The following RBFOX1 variants were observed in gnomAD, a reference collection of about 807,000 sequenced individuals.
RBFOX1 encodes the protein RNA binding fox-1 homolog 1.
In RBFOX1, 8 loss-of-function variants were observed where a neutral mutation model predicts 57.7. The observed-to-expected ratio is 0.14, with a 90% CI of 0.08 to 0.25. The LOEUF is 0.25. RBFOX1 is among the 10% of genes least tolerant of loss of function. The probability of loss-of-function intolerance (pLI) is 1.00; values close to 1 mark genes in which losing one functional copy is unlikely to be tolerated. For synonymous variants in RBFOX1, 326 were observed against 222.4 expected (o/e 1.47, Z -4.15); for missense variants, 611 against 548.5 (o/e 1.11, Z -1.14).
At chr16:7,339,736 G>A (rs1264514311) in intron 4 of RBFOX1, among the ~76,000 whole-genome samples, 1 of 152,176 alleles carries the variant, frequency 6.6e-6, no homozygotes, top group East Asian at 1.9e-4. Flanking sequence ...CACTGTGCCT[G>A]GCCAGAAAGA....
intron 2 of RBFOX1, among the ~76,000 whole-genome samples, chr16:6,512,041 C>T (rs2096265498): frequency 6.6e-6 from 1 of 151,556 alleles, no homozygotes; most frequent in Admixed American, 6.6e-5. Flanking sequence ...GAGGCCAAGG[C>T]AGGAGGATCC....
intron 2 of RBFOX1, among the ~76,000 whole-genome samples, chr16:5,503,373 GATATAATTCACACACC>G (rs1418223982): frequency 6.6e-6 from 1 of 152,230 alleles, no homozygotes; most frequent in Non-Finnish European, 1.5e-5. Flanking sequence ...GGTTTACTGA[GATATAATTCACACACC>G]ATATAATTCA....
At chr16:6,687,694 T>C (rs1037951474) in intron 3 of RBFOX1, among the ~76,000 whole-genome samples, 1 of 151,998 alleles carries the variant, frequency 6.6e-6, no homozygotes, top group East Asian at 1.9e-4. Flanking sequence ...TCCTGTATGG[T>C]TTTTCAAAGT....
intron 2 of RBFOX1, among the ~76,000 whole-genome samples, chr16:5,483,105 C>G (rs1413970795): frequency 6.6e-6 from 1 of 152,048 alleles, no homozygotes; most frequent in Non-Finnish European, 1.5e-5. Context: ...TAGGGGAGTC[C>G]TAAAAACATT....
intron 9 of RBFOX1, among the ~76,000 whole-genome samples, chr16:7,602,956 A>G (rs566817290): frequency 6.6e-6 from 1 of 152,354 alleles, no homozygotes; most frequent in South Asian, 2.1e-4. Context: ...GTACAAATAC[A>G]TGGAAATTCA....
chr16:5,675,399 G>T (rs2050135699), intron 3 of RBFOX1, among the ~76,000 whole-genome samples: 1 of 152,170 alleles, frequency 6.6e-6, no homozygotes, highest in South Asian at 2.1e-4. Context: ...CTTGAAAAGA[G>T]AGAAGCATCC....
chr16:7,677,552 G>A (rs1461270773), intron 14 of RBFOX1, among the ~76,000 whole-genome samples: 1 of 152,162 alleles, frequency 6.6e-6, no homozygotes, highest in African/African-American at 2.4e-5. Flanking sequence ...CTATCACCCA[G>A]GCTGAACAGA....
At chr16:6,704,599 A>T (rs1230987755) in intron 3 of RBFOX1, 1 of 152,434 alleles carries the variant, frequency 6.6e-6, no homozygotes, top group South Asian at 2.1e-4. Flanking sequence ...TCCTTCACCT[A>T]GCTGGAGCCA....
intron 3 of RBFOX1, among the ~76,000 whole-genome samples, chr16:6,897,169 G>A (rs907974501): frequency 6.6e-6 from 1 of 152,186 alleles, no homozygotes; most frequent in Non-Finnish European, 1.5e-5. Context: ...AGCGGCTGTA[G>A]AGTAGAGATT....
chr16:6,639,868 G>A (rs1204375666), intron 2 of RBFOX1, among the ~76,000 whole-genome samples: 2 of 152,132 alleles, frequency 1.3e-5, no homozygotes, highest in African/African-American at 4.8e-5. Context: ...AACAGAGTGA[G>A]ACTGTGTCTC....
At chr16:6,507,817 A>G (rs1358345357) in intron 2 of RBFOX1, among the ~76,000 whole-genome samples, 1 of 151,964 alleles carries the variant, frequency 6.6e-6, no homozygotes, top group Non-Finnish European at 1.5e-5. Flanking sequence ...CAGGGCTAGA[A>G]GGAGGGGGGA....
intron 3 of RBFOX1, among the ~76,000 whole-genome samples, chr16:5,710,627 C>A (rs934839298): frequency 3.9e-5 from 6 of 152,132 alleles, no homozygotes; most frequent in Non-Finnish European, 5.9e-5. Flanking sequence ...GGTTGGTGCA[C>A]AGGATGTTTT....
chr16:5,766,998 T>A (rs2053804475), intron 3 of RBFOX1, among the ~76,000 whole-genome samples: 1 of 152,220 alleles, frequency 6.6e-6, no homozygotes, highest in Admixed American at 6.5e-5. Context: ...TTTCTGTATC[T>A]GTTAGTTTGC....
intron 4 of RBFOX1, among the ~76,000 whole-genome samples, chr16:7,355,298 G>C (rs1323983414): frequency 2.0e-5 from 3 of 152,164 alleles, no homozygotes; most frequent in African/African-American, 7.2e-5. Context: ...CAAGGTCTCT[G>C]AGAAATTTTA....
At chr16:6,357,230 G>A (rs550589685) in intron 2 of RBFOX1, among the ~76,000 whole-genome samples, 1 of 152,224 alleles carries the variant, frequency 6.6e-6, no homozygotes, top group South Asian at 2.1e-4. Context: ...ATGAGCCTTC[G>A]TGCTAGAGTC....
At chr16:5,440,978 C>T (rs1021625347) in intron 1 of RBFOX1, among the ~76,000 whole-genome samples, 4 of 152,186 alleles carry the variant, frequency 2.6e-5, no homozygotes, top group South Asian at 2.1e-4. Flanking sequence ...CAAACTCCTA[C>T]GTACCCTTAT....
At chr16:5,642,620 C>T (rs1362841779) in intron 3 of RBFOX1, among the ~76,000 whole-genome samples, 1 of 150,838 alleles carries the variant, frequency 6.6e-6, no homozygotes, top group Non-Finnish European at 1.5e-5. Context: ...GCCCCCCCTT[C>T]CCCAGCCACC....
intron 2 of RBFOX1, among the ~76,000 whole-genome samples, chr16:5,594,809 T>A (rs1027926980): frequency 1.3e-5 from 2 of 151,940 alleles, no homozygotes; most frequent in African/African-American, 4.8e-5. Context: ...TTATTTTACT[T>A]TTACATGTCT....
intron 3 of RBFOX1, among the ~76,000 whole-genome samples, chr16:6,870,254 G>A (rs560978172): frequency 6.6e-6 from 1 of 152,170 alleles, no homozygotes; most frequent in East Asian, 1.9e-4. Flanking sequence ...GGGCAATGGA[G>A]AGAGCATTCC....
Sources: allele counts gnomAD v4.1 joint callset (sites outside exome capture counted in the v4.1 genomes callset), GRCh38; gene constraint gnomAD v4.1.1; transcripts MANE v1.5; gene names NCBI Gene and HGNC (gene_info 2026-07-23, HGNC 2026-07-21).